The following AMPH variants were observed in gnomAD, a reference collection of about 807,000 sequenced individuals.
AMPH encodes the protein amphiphysin.
A neutral mutation model predicts 99.1 loss-of-function variants in AMPH; 49 were observed. The observed-to-expected ratio is 0.49, with a 90% CI of 0.39 to 0.63. AMPH has a LOEUF of 0.63. Among genes scored for constraint, AMPH ranks in the 20% least tolerant of loss-of-function variants. The pLI is 0.00. For missense variants in AMPH, 759 were observed against 863.4 expected, an observed-to-expected ratio of 0.88 and a Z score of 1.52; for synonymous variants, 314 against 317.3, an observed-to-expected ratio of 0.99 and a Z score of 0.11.
At chr7:38,591,290 CTT>C (rs67135369) in intron 1 of AMPH, among the ~76,000 whole-genome samples, 25 of 138,736 alleles carry the variant, frequency 1.8e-4, no homozygotes, top group African/African-American at 2.2e-4. Flanking sequence ...TTTTCTTTTT[CTT>C]TTTTTTTTTT....
chr7:38,609,835 A>G (rs1383553025), intron 1 of AMPH, among the ~76,000 whole-genome samples: 1 of 152,194 alleles, frequency 6.6e-6, no homozygotes, highest in Non-Finnish European at 1.5e-5. Context: ...TACAGATCAT[A>G]CAGACAGCAC....
chr7:38,628,414 G>C (rs1299317575), intron 1 of AMPH, among the ~76,000 whole-genome samples: 1 of 152,204 alleles, frequency 6.6e-6, no homozygotes, highest in East Asian at 1.9e-4. Flanking sequence ...TATCTAAGGA[G>C]ATAATTAAAG....
At chr7:38,432,065 A>G in intron 13 of AMPH, 124 bp downstream of exon 13, 1 of 870,812 alleles carries the variant, frequency 1.1e-6, no homozygotes, top group Non-Finnish European at 2.0e-6. Flanking sequence ...TGATCATTCT[A>G]GGGGACTATA....
chr7:38,620,833 T>A (rs1794034693), intron 1 of AMPH, among the ~76,000 whole-genome samples: 1 of 152,128 alleles, frequency 6.6e-6, no homozygotes, highest in African/African-American at 2.4e-5. Flanking sequence ...AGAGGGCAAG[T>A]CAGCTCTGAA....
chr7:38,613,549 C>A (rs967093324), intron 1 of AMPH, among the ~76,000 whole-genome samples: 4 of 152,146 alleles, frequency 2.6e-5, no homozygotes, highest in African/African-American at 9.7e-5. Flanking sequence ...GCTCATTATC[C>A]GCTGTTCTGA....
At chr7:38,569,711 G>A (rs2129051476) in intron 1 of AMPH, among the ~76,000 whole-genome samples, 1 of 152,248 alleles carries the variant, frequency 6.6e-6, no homozygotes, top group African/African-American at 2.4e-5. Context: ...GTTTTGACAG[G>A]TGGGGAGGTA....
chr7:38,631,271 C>T lies in AMPH; in HGVS notation c.69+12G>A, dbSNP rs746426223. ...GCGTCCCCGGCCCCAGCCCCGGCCG[C>T]CCGCCGCTGACCTTTTCCTGCGCGC... is the stretch of plus-strand genomic sequence containing the variant. On this transcript the variant is annotated intron_variant, in intron 1 of 20. Coordinates refer to ENST00000356264, the MANE Select transcript of AMPH (RefSeq NM_001635.4). The T allele has an allele frequency of 9.9e-6, 15 of 1,516,278 alleles. No homozygotes were observed. Among genetic ancestry groups the T allele is most frequent in the African/African-American group, 4.4e-5 (3 of 68,946 alleles). The allele number at this position is 1,516,278 out of a possible 1,614,324, so 93.9% of individuals were successfully genotyped here.
Position 38,628,215 on chromosome 7 carries a change from T to A in AMPH, c.69+3068A>T, listed in dbSNP as rs566512032. Among the ~76,000 whole-genome samples, 16 of 152,296 alleles carry A rather than the reference T, an allele frequency of 1.1e-4. No individual in the cohort carries two copies. In the East Asian group the frequency reaches 3.1e-3, roughly 29 times the overall value. On this transcript the variant is annotated intron_variant, in intron 1 of 20. Coordinates refer to ENST00000356264, the MANE Select transcript of AMPH (RefSeq NM_001635.4). The stretch of plus-strand genomic sequence containing the variant: ...GTTTGCTTTTTAAAAATCAAACAAA[T>A]GAAATTAATCATGAACAAATTTTAT...
intron 11 of AMPH, among the ~76,000 whole-genome samples, chr7:38,451,259 TTA>T (rs1787004239): frequency 6.7e-6 from 1 of 149,006 alleles, no homozygotes; most frequent in Non-Finnish European, 1.5e-5. Flanking sequence ...ACACACATAT[TTA>T]TGTGTGCATA....
intron 17 of AMPH, among the ~76,000 whole-genome samples, chr7:38,398,106 C>CA (rs36053688): frequency 0.044 from 2,881 of 65,386 alleles, 60 homozygotes; most frequent in African/African-American, 0.11. Context: ...GGAGGTTCCT[C>CA]AAAAAAAAAA....
intron 17 of AMPH, among the ~76,000 whole-genome samples, chr7:38,402,263 A>G (rs576997269): frequency 9.2e-5 from 14 of 152,300 alleles, no homozygotes; most frequent in African/African-American, 3.4e-4. Flanking sequence ...TACTGACAAC[A>G]AAAAGGAAGG....
At chr7:38,587,131 G>C (rs968100709) in intron 1 of AMPH, among the ~76,000 whole-genome samples, 1 of 152,094 alleles carries the variant, frequency 6.6e-6, no homozygotes, top group Non-Finnish European at 1.5e-5. Context: ...AGACTGTGGG[G>C]CTCTCACCAA....
chr7:38,548,027 A>ATTT (rs34488266), intron 1 of AMPH, among the ~76,000 whole-genome samples: 2 of 126,020 alleles, frequency 1.6e-5, no homozygotes, highest in African/African-American at 6.1e-5. Context: ...TTGTGGGCAA[A>ATTT]TTTTTTTTTT....
chr7:38,603,503 A>T (rs1793327039), intron 1 of AMPH, among the ~76,000 whole-genome samples: 1 of 152,188 alleles, frequency 6.6e-6, no homozygotes, highest in Admixed American at 6.5e-5. Flanking sequence ...CATGGGTGCC[A>T]GATCCTTCCT....
At chr7:38,602,336 C>T (rs142352885) in intron 1 of AMPH, among the ~76,000 whole-genome samples, 86 of 152,340 alleles carry the variant, frequency 5.6e-4, no homozygotes, top group African/African-American at 2.0e-3. Context: ...AACTTTGTGG[C>T]TGGAAACAAC....
chr7:38,626,867 TAC>T (rs1181118789), intron 1 of AMPH, among the ~76,000 whole-genome samples: 3 of 150,138 alleles, frequency 2.0e-5, no homozygotes, highest in African/African-American at 7.4e-5. Flanking sequence ...GCGAAGGATA[TAC>T]AGTTTTTCAT....
At chr7:38,551,982 G>A (rs1235621527) in intron 1 of AMPH, among the ~76,000 whole-genome samples, 1 of 152,118 alleles carries the variant, frequency 6.6e-6, no homozygotes, top group Non-Finnish European at 1.5e-5. Flanking sequence ...CAAACTAAAG[G>A]ATTACATAAC....
At chr7:38,397,321 AT>A (rs1784699100) in intron 17 of AMPH, among the ~76,000 whole-genome samples, 1 of 152,156 alleles carries the variant, frequency 6.6e-6, no homozygotes, top group African/African-American at 2.4e-5. Context: ...GCCACAGGTG[AT>A]TTTTTAAACT....
At chr7:38,595,169 G>A (rs181427931) in intron 1 of AMPH, among the ~76,000 whole-genome samples, 9 of 152,222 alleles carry the variant, frequency 5.9e-5, no homozygotes, top group East Asian at 1.9e-4. Flanking sequence ...ACGCTGCCCC[G>A]CCCCTGCTTT....
Sources: gnomAD v4.1 joint callset for allele counts (sites outside exome capture counted in the v4.1 genomes callset) on GRCh38, gnomAD v4.1.1 for gene constraint, MANE v1.5 for transcripts, NCBI Gene and HGNC (gene_info 2026-07-23, HGNC 2026-07-21) for gene names.